Variants in PTPRM observed in about 807,000 individuals in gnomAD.
PTPRM encodes receptor-type tyrosine-protein phosphatase mu.
A neutral mutation model predicts 186.7 loss-of-function variants in PTPRM; 47 were observed. The observed-to-expected ratio is 0.25, with a 90% CI of 0.20 to 0.32. The LOEUF (loss-of-function observed/expected upper bound fraction) is 0.32, where lower values mean the gene tolerates loss of function less well. Ranked by LOEUF, PTPRM falls within the 10% of genes least tolerant of loss-of-function variation. The pLI is 1.00. For missense variants in PTPRM, 1,494 were observed against 1,865.0 expected (o/e 0.80, Z 3.66); for synonymous variants, 668 against 674.9 (o/e 0.99, Z 0.16).
chr18:8,390,682 A>G (rs957453563), intron 31 of PTPRM, among the ~76,000 whole-genome samples: 2 of 152,162 alleles, frequency 1.3e-5, no homozygotes, highest in South Asian at 2.1e-4. Context: ...TAATCCCAGC[A>G]CTTTGGGAGG....
At chr18:8,339,862 C>G (rs1456209022) in intron 22 of PTPRM, among the ~76,000 whole-genome samples, 1 of 151,984 alleles carries the variant, frequency 6.6e-6, no homozygotes, top group Non-Finnish European at 1.5e-5. Context: ...AGACAGGTAG[C>G]TGAGTAATAC....
chr18:8,067,512 T>G (rs1274030072), intron 7 of PTPRM, among the ~76,000 whole-genome samples: 1 of 152,246 alleles, frequency 6.6e-6, no homozygotes, highest in East Asian at 1.9e-4. Context: ...CTTAGATTTA[T>G]TACAGGACAG....
intron 1 of PTPRM, among the ~76,000 whole-genome samples, chr18:7,750,695 C>T (rs534436722): frequency 6.6e-6 from 1 of 152,296 alleles, no homozygotes; most frequent in Non-Finnish European, 1.5e-5. Flanking sequence ...GGAAAAAATA[C>T]GTGCTATCTC....
chr18:7,984,856 C>CACATAT (rs2082780672), intron 7 of PTPRM, among the ~76,000 whole-genome samples: 1 of 120,676 alleles, frequency 8.3e-6, no homozygotes, highest in African/African-American at 3.3e-5. Context: ...AAATTATATA[C>CACATAT]ACATATATAA....
chr18:8,266,440 A>G (rs1342486879), intron 19 of PTPRM, among the ~76,000 whole-genome samples: 1 of 151,974 alleles, frequency 6.6e-6, no homozygotes, highest in Non-Finnish European at 1.5e-5. Flanking sequence ...AATGTTTGAC[A>G]TTTTACAGTG....
At chr18:7,581,766 C>T (rs1317551380) in intron 1 of PTPRM, among the ~76,000 whole-genome samples, 1 of 151,574 alleles carries the variant, frequency 6.6e-6, no homozygotes, top group Non-Finnish European at 1.5e-5. Flanking sequence ...AGTGATCCAC[C>T]TCAGCCTCCA....
At chr18:8,058,217 T>C (rs1285324325) in intron 7 of PTPRM, among the ~76,000 whole-genome samples, 1 of 87,258 alleles carries the variant, frequency 1.1e-5, no homozygotes, top group Non-Finnish European at 2.2e-5. Context: ...ATGATGAGCA[T>C]TTTTTCATGT....
chr18:7,568,315 C>T lies in PTPRM; in HGVS notation c.73+424C>T, dbSNP rs912140830. ...CGCGGTCCCCGCCGACCCCGAGCAG[C>T]GGCCGGGCCCAGGCCGCTGGTGTTC... On this transcript the variant is annotated intron_variant, in intron 1 of 32. Transcript: ENST00000580170. This position sits in a 1 kb window ranked among gnomAD's most constrained non-coding sequence, Gnocchi z 5.1. 2.0e-5 allele frequency among the ~76,000 whole-genome samples: 3 copies of T among 151,848 alleles called. No homozygotes were observed. The highest frequency in any genetic ancestry group is 7.2e-5 in the African/African-American group (3 of 41,414).
chr18:8,114,914 C>T, intron 13 of PTPRM, 87 bp downstream of exon 13: 1 of 1,039,798 alleles, frequency 9.6e-7, no homozygotes, highest in South Asian at 1.5e-5. Context: ...TGAACTGGAA[C>T]TTAATTGAAA....
intron 2 of PTPRM, among the ~76,000 whole-genome samples, chr18:7,882,729 G>T (rs1244941958): frequency 6.6e-6 from 1 of 152,164 alleles, no homozygotes; most frequent in Non-Finnish European, 1.5e-5. Context: ...TTCTTTTGTT[G>T]TTGTTGTTTG....
intron 1 of PTPRM, among the ~76,000 whole-genome samples, chr18:7,575,746 T>C (rs552715594): frequency 6.6e-6 from 1 of 152,306 alleles, no homozygotes; most frequent in South Asian, 2.1e-4. Context: ...AGGACATGGC[T>C]TGTCTGTACT....
intron 7 of PTPRM, among the ~76,000 whole-genome samples, chr18:7,980,301 A>G (rs117198935): frequency 2.6e-5 from 4 of 152,170 alleles, no homozygotes; most frequent in Non-Finnish European, 4.4e-5. Flanking sequence ...GCCTAGCCTC[A>G]GCCACTACTA....
chr18:8,344,580 G>A (rs192196197), intron 23 of PTPRM, among the ~76,000 whole-genome samples: 48 of 151,610 alleles, frequency 3.2e-4, no homozygotes, highest in Non-Finnish European at 5.7e-4. Context: ...TATATCACAT[G>A]CATATGCAAA....
chr18:7,641,574 CAAG>C (rs1228246443), intron 1 of PTPRM, among the ~76,000 whole-genome samples: 3 of 152,192 alleles, frequency 2.0e-5, no homozygotes, highest in Non-Finnish European at 4.4e-5. Flanking sequence ...GCATGAATCC[CAAG>C]AAGTGGGCGG....
chr18:8,402,884 G>GA (rs2095879678), intron 32 of PTPRM: 1 of 152,164 alleles, frequency 6.6e-6, no homozygotes, highest in African/African-American at 2.4e-5. Flanking sequence ...ATTGTGTGTG[G>GA]AAAAAGTGGT....
intron 7 of PTPRM, among the ~76,000 whole-genome samples, chr18:7,980,106 AT>A (rs1568119986): frequency 1.3e-5 from 2 of 151,780 alleles, no homozygotes. Flanking sequence ...CCCACAAAAT[AT>A]TTTTTTCTAC....
At chr18:8,048,884 T>A (rs1221671601) in intron 7 of PTPRM, among the ~76,000 whole-genome samples, 1 of 152,238 alleles carries the variant, frequency 6.6e-6, no homozygotes, top group Non-Finnish European at 1.5e-5. Context: ...ATTACTTCTG[T>A]AGCAAAGAGT....
chr18:8,032,614 A>T lies in PTPRM; in HGVS notation c.1133-37072A>T, dbSNP rs369747326. On this transcript the variant is annotated intron_variant, in intron 7 of 32. Transcript: ENST00000580170. ...TATGAAGACTTGCAAAATATTTTTAAAGTTTATTTGGAGAATTATGGGCAT... is the reference window on the plus strand; with the variant it reads ...TATGAAGACTTGCAAAATATTTTTATAGTTTATTTGGAGAATTATGGGCAT... Among the ~76,000 whole-genome samples the T allele has an allele frequency of 4.1e-4, 62 of 152,282 alleles. No homozygotes were observed. In the South Asian group the frequency reaches 0.012, roughly 31 times the overall value.
chr18:8,388,080 C>A (rs955815405), intron 31 of PTPRM, among the ~76,000 whole-genome samples: 20 of 151,972 alleles, frequency 1.3e-4, no homozygotes, highest in African/African-American at 4.8e-4. Context: ...AGGTTGAGAG[C>A]CACTGAATGG....
Sources: gnomAD v4.1 joint callset for allele counts (sites outside exome capture counted in the v4.1 genomes callset) on GRCh38, gnomAD v4.1.1 for gene constraint, Gnocchi (gnomAD v3.1) non-coding constraint, MANE v1.5 for transcripts, NCBI Gene and HGNC (gene_info 2026-07-23, HGNC 2026-07-21) for gene names.